The following SCARA5 variants were observed in gnomAD, a reference collection of about 807,000 sequenced individuals.
SCARA5 encodes scavenger receptor class A member 5.
SCARA5 carries 45 observed loss-of-function variants against 46.3 expected under a neutral mutation model. That is an observed-to-expected ratio of 0.97 (90% confidence interval 0.76 to 1.24). The LOEUF (loss-of-function observed/expected upper bound fraction) is 1.24. Among genes scored for constraint, SCARA5 ranks in the 50% most tolerant of loss-of-function variants. SCARA5 has a pLI of 0.00. For missense variants in SCARA5, 680 were observed against 689.0 expected (o/e 0.99, Z 0.15); for synonymous variants, 333 against 306.5 (o/e 1.09, Z -0.90).
intron 3 of SCARA5, among the ~76,000 whole-genome samples, chr8:27,951,819 C>T (rs544323782): frequency 1.1e-4 from 16 of 152,156 alleles, no homozygotes; most frequent in African/African-American, 3.1e-4. Context: ...TGACTTCGAG[C>T]GAACTCGAAC....
chr8:27,975,725 G>C (rs1808513173), intron 2 of SCARA5, among the ~76,000 whole-genome samples: 1 of 152,046 alleles, frequency 6.6e-6, no homozygotes, highest in Admixed American at 6.6e-5. Flanking sequence ...AGAACCAACT[G>C]GGGTAGAGTG....
chr8:27,933,404 C>T (rs1276599472), intron 3 of SCARA5, among the ~76,000 whole-genome samples: 2 of 151,724 alleles, frequency 1.3e-5, no homozygotes, highest in Admixed American at 1.3e-4. Flanking sequence ...CACCTGTGGT[C>T]CCAGCTACTC....
chr8:27,953,498 C>T (rs181567669), intron 3 of SCARA5, among the ~76,000 whole-genome samples: 6 of 152,268 alleles, frequency 3.9e-5, no homozygotes, highest in African/African-American at 1.2e-4. Flanking sequence ...ATACCTTAGA[C>T]GGTTATGTTA....
Position 27,921,671 on chromosome 8 carries a change from C to G in SCARA5, c.816G>C (p.Gln272His). 6.2e-7 allele frequency: 1 copy of G among 1,609,320 alleles called. No homozygotes were observed. The highest frequency in any genetic ancestry group is 8.5e-7 in the Non-Finnish European group (1 of 1,177,950). ...TGAGCATGGCCAGCTCCTGCTTCAG[C>G]TGCAGCTCCATGCCTACGTGCGCCA... is the stretch of plus-strand genomic sequence containing the variant. ...LRLAHVGMEL[Q>H]LKQELAMLNA... The change falls in exon 4 of 9, where the codon CAG becomes CAC. Residue 272 changes from glutamine (Q) to histidine (H), a missense_variant. Transcript: ENST00000354914.
At chr8:27,884,343 A>G (rs1360949146) in intron 7 of SCARA5, among the ~76,000 whole-genome samples, 1 of 152,254 alleles carries the variant, frequency 6.6e-6, no homozygotes, top group Non-Finnish European at 1.5e-5. Context: ...TCTGACACCA[A>G]GAAACTCCCC....
Position 27,893,243 on chromosome 8 carries a change from C to T in SCARA5, c.1153+11535G>A, listed in dbSNP as rs557943883. Among the ~76,000 whole-genome samples the T allele has an allele frequency of 1.1e-4, 16 of 152,240 alleles. No individual in the cohort carries two copies. The East Asian group carries it at 2.7e-3, about 26-fold the overall frequency. ...CTTAGCATATTAGGACCAGGGCATC[C>T]GTGAGGCAGAAGACCGGCTCCTGCT... On this transcript the variant is annotated intron_variant, in intron 7 of 8. Coordinates refer to ENST00000354914, the MANE Select transcript of SCARA5 (RefSeq NM_173833.6).
At chr8:27,927,157 C>T (rs190520466) in intron 3 of SCARA5, among the ~76,000 whole-genome samples, 90 of 152,272 alleles carry the variant, frequency 5.9e-4, no homozygotes, top group African/African-American at 2.0e-3. Flanking sequence ...CCCCTCCTTC[C>T]CTCTGTGGGG....
chr8:27,921,481 G>A, intron 4 of SCARA5, 90 bp downstream of exon 4: 1 of 1,121,534 alleles, frequency 8.9e-7, no homozygotes, highest in South Asian at 1.7e-5. Flanking sequence ...GGTGGGGCTG[G>A]GGTACTCCTG....
intron 3 of SCARA5, among the ~76,000 whole-genome samples, chr8:27,948,039 C>G (rs546852850): frequency 6.6e-6 from 1 of 152,194 alleles, no homozygotes; most frequent in South Asian, 2.1e-4. Flanking sequence ...AAGAGTTCTG[C>G]TAGTGGGTGG....
chr8:27,959,063 T>C (rs1808251137), intron 3 of SCARA5, among the ~76,000 whole-genome samples: 1 of 152,010 alleles, frequency 6.6e-6, no homozygotes, highest in Non-Finnish European at 1.5e-5. Flanking sequence ...CAAAACCCTG[T>C]CTCTACTAAA....
At chr8:27,917,113 C>A (rs1807475118) in intron 4 of SCARA5, among the ~76,000 whole-genome samples, 1 of 152,170 alleles carries the variant, frequency 6.6e-6, no homozygotes, top group Admixed American at 6.5e-5. Context: ...GAACTGTGAG[C>A]AATAAACCTC....
intron 3 of SCARA5, among the ~76,000 whole-genome samples, chr8:27,926,121 T>A (rs535459993): frequency 5.3e-5 from 8 of 152,242 alleles, no homozygotes; most frequent in African/African-American, 1.4e-4. Flanking sequence ...AGATTATAAA[T>A]CATGCTACTA....
At chr8:27,885,073 C>A (rs928693451) in intron 7 of SCARA5, among the ~76,000 whole-genome samples, 2 of 151,032 alleles carry the variant, frequency 1.3e-5, no homozygotes, top group African/African-American at 4.9e-5. Flanking sequence ...CCATCTTGGC[C>A]GAGTGGACAA....
Position 27,922,034 on chromosome 8 carries a change from G to T in SCARA5, c.453C>A (p.Gly151=), listed in dbSNP as rs181229251. ...ALAGAVQRLE[G]ALWGLQAQAV... ...CCTGCGCCTGCAGCCCCCACAGCGCGCCCTCCAGCCGCTGCACTGCGCCCG... is the reference window on the plus strand; with the variant it reads ...CCTGCGCCTGCAGCCCCCACAGCGCTCCCTCCAGCCGCTGCACTGCGCCCG... Residue 151 remains glycine (G), a synonymous_variant, in exon 4 of 9, where the codon GGC becomes GGA. Transcript: ENST00000354914. 9.5e-6 allele frequency: 15 copies of T among 1,572,604 alleles called. No individual in the cohort carries two copies. The East Asian group carries it at 3.1e-4, about 32-fold the overall frequency.
chr8:27,902,983 C>T (rs1807183747), intron 7 of SCARA5, among the ~76,000 whole-genome samples: 2 of 152,142 alleles, frequency 1.3e-5, no homozygotes. Context: ...ACGGGCAAGT[C>T]CATCACTTTC....
In SCARA5 at chr8:27,942,246, T is replaced by C. The variant is rs190329881; in HGVS notation, c.242-20001A>G. ...GCCCCAAGTCAGAGTATGTTCCACG[T>C]GCCTTTATCCCACCTCCTCCCTATG... On this transcript the variant is annotated intron_variant, in intron 3 of 8. Transcript: ENST00000354914. Among the ~76,000 whole-genome samples, 75 of 152,268 alleles carry C rather than the reference T, an allele frequency of 4.9e-4. 1 individual carries two copies. Among genetic ancestry groups the C allele is most frequent in the Middle Eastern group, 3.4e-3 (1 of 294 alleles).
At chr8:27,909,995 A>G (rs1348397422) in intron 4 of SCARA5, among the ~76,000 whole-genome samples, 3 of 152,156 alleles carry the variant, frequency 2.0e-5, no homozygotes, top group African/African-American at 7.2e-5. Flanking sequence ...AGAGGGACAC[A>G]CACACACTGA....
Position 27,921,670 on chromosome 8 carries a change from G to T in SCARA5, c.817C>A (p.Leu273Met), listed in dbSNP as rs1396270991. The T allele has an allele frequency of 6.2e-7, 1 of 1,609,186 alleles. No homozygotes were observed. Among genetic ancestry groups the T allele is most frequent in the Admixed American group, 1.7e-5 (1 of 59,666 alleles). ...RLAHVGMELQ[L>M]KQELAMLNAV... ...TTGAGCATGGCCAGCTCCTGCTTCA[G>T]CTGCAGCTCCATGCCTACGTGCGCC... Residue 273 changes from leucine (L) to methionine (M), a missense_variant, in exon 4 of 9, where the codon CTG becomes ATG. Physicochemically the swap from Leu to Met is conservative, Grantham distance 15 (BLOSUM62 2). This residue lies in a region of SCARA5 where 438 missense variants were observed against 384.5 expected (regional missense o/e 1.14). Coordinates refer to ENST00000354914, the MANE Select transcript of SCARA5 (RefSeq NM_173833.6).
At chr8:27,978,804 C>G (rs900184172) in intron 2 of SCARA5, among the ~76,000 whole-genome samples, 5 of 152,118 alleles carry the variant, frequency 3.3e-5, no homozygotes, top group Admixed American at 6.5e-5. Context: ...AGCCACGGTG[C>G]CCGCCCTCAT....
Sources: gnomAD v4.1 joint callset for allele counts (sites outside exome capture counted in the v4.1 genomes callset) on GRCh38, gnomAD v4.1.1 for gene constraint, gnomAD v4.1.1 regional missense constraint, MANE v1.5 for transcripts, NCBI Gene and HGNC (gene_info 2026-07-23, HGNC 2026-07-21) for gene names.